The following ITGA5 variants were observed in gnomAD, a reference collection of about 807,000 sequenced individuals.
ITGA5 encodes the protein integrin alpha-5.
Under a neutral mutation model 146.3 loss-of-function variants are expected in ITGA5, and 55 were observed. That is an observed-to-expected ratio of 0.38 (90% confidence interval 0.30 to 0.47). The LOEUF is 0.47. Ranked by LOEUF, ITGA5 falls within the 20% of genes least tolerant of loss-of-function variation. The pLI, the probability that ITGA5 is intolerant of heterozygous loss-of-function variation, is 0.99. For missense variants in ITGA5, 1,131 were observed against 1,329.0 expected (o/e 0.85, Z 2.32); for synonymous variants, 500 against 531.8 (o/e 0.94, Z 0.82).
chr12:54,415,880 G>A (rs1565645618), intron 1 of ITGA5, among the ~76,000 whole-genome samples: 1 of 152,182 alleles, frequency 6.6e-6, no homozygotes, highest in African/African-American at 2.4e-5. Flanking sequence ...AAGGGAACAA[G>A]GAGCTGAGCT....
intron 19 of ITGA5, 137 bp from the exon 20 acceptor site, chr12:54,402,467 C>T (rs528963928): frequency 2.0e-4 from 141 of 715,806 alleles, no homozygotes; most frequent in Non-Finnish European, 2.7e-4. Context: ...GAGGCTGAGG[C>T]GGGTGGATCA....
Position 54,401,483 on chromosome 12 carries a change from G to A in ITGA5, c.2388-5C>T. 6.3e-7 allele frequency: 1 copy of A among 1,592,406 alleles called. No homozygotes were observed. Among genetic ancestry groups the A allele is most frequent in the Non-Finnish European group, 8.6e-7 (1 of 1,168,710 alleles). On this transcript the variant is annotated splice_region_variant and splice_polypyrimidine_tract_variant and intron_variant, in intron 23 of 29. Coordinates refer to ENST00000293379, the MANE Select transcript of ITGA5 (RefSeq NM_002205.5). This position sits in a 1 kb window ranked among gnomAD's most constrained non-coding sequence, Gnocchi z 5.0. ...ACTGCCTCAGGCTTGGAGACACTAA[G>A]GAGGAGGGTGGTTTAGAGGAGGGTG...
Position 54,403,054 on chromosome 12 carries a change from G to T in ITGA5, c.1915-4C>A. On this transcript the variant is annotated splice_polypyrimidine_tract_variant and splice_region_variant and intron_variant, in intron 18 of 29. Coordinates refer to ENST00000293379, the MANE Select transcript of ITGA5 (RefSeq NM_002205.5). This position sits in a 1 kb window ranked among gnomAD's most constrained non-coding sequence, Gnocchi z 4.9. ...CACAGTCCAGCAAGATCTGAGCCTG[G>T]GGAGCAGGGCAGCCTTGAGAGGGGA... 6.2e-7 allele frequency: 1 copy of T among 1,614,118 alleles called. No individual in the cohort carries two copies. Among genetic ancestry groups the T allele is most frequent in the Non-Finnish European group, 8.5e-7 (1 of 1,180,000 alleles).
chr12:54,405,602 T>A, intron 11 of ITGA5, 62 bp downstream of exon 11: 1 of 1,432,024 alleles, frequency 7.0e-7, no homozygotes, highest in Non-Finnish European at 9.8e-7. Context: ...TTCTGTCCCA[T>A]TCCCACTCTT....
intron 27 of ITGA5, 67 bp from the exon 28 acceptor site, chr12:54,398,765 C>A: frequency 9.8e-7 from 1 of 1,020,400 alleles, no homozygotes; most frequent in Non-Finnish European, 1.4e-6. Flanking sequence ...GGTTCCCCAT[C>A]GTCTGGCTGG....
chr12:54,405,734 G>A lies in ITGA5; in HGVS notation c.964-18C>T. On this transcript the variant is annotated intron_variant, in intron 10 of 29. Transcript: ENST00000293379. The stretch of plus-strand genomic sequence containing the variant: ...GAGGCCATCTGGGGAGGACAAAGGG[G>A]CAGCGCTGGGTCAGAACTAGAAGGT... 1 of 1,613,750 alleles carries A rather than the reference G, an allele frequency of 6.2e-7. No individual in the cohort carries two copies.
chr12:54,396,059 C>T lies in ITGA5; in HGVS notation c.*234G>A. ...GGCCTCTGTCCCTGGATCTGAGTTCCCCCATCCATGAAGAGGGTATGTGTA... is the reference window on the plus strand; with the variant it reads ...GGCCTCTGTCCCTGGATCTGAGTTCTCCCATCCATGAAGAGGGTATGTGTA... On this transcript the variant is annotated 3_prime_UTR_variant, in exon 30 of 30. Transcript: ENST00000293379. 2.2e-6 allele frequency: 1 copy of T among 454,100 alleles called. No homozygotes were observed. Among genetic ancestry groups the T allele is most frequent in the Non-Finnish European group, 4.0e-6 (1 of 251,542 alleles). 28.1% of individuals were successfully genotyped at this position (454,100 alleles called of 1,614,324 possible).
At chr12:54,398,934 G>T (rs1955750484) in intron 27 of ITGA5, 3 of 388,694 alleles carry the variant, frequency 7.7e-6, no homozygotes, top group Non-Finnish European at 1.4e-5. Flanking sequence ...CCACCTCCTG[G>T]GCTCAAGCAA....
chr12:54,403,765 G>A lies in ITGA5; in HGVS notation c.1636C>T (p.Leu546Phe), dbSNP rs780669624. ...VADSIGFTVELQLDWQKQKGG... is the reference protein window; with the variant it reads ...VADSIGFTVEFQLDWQKQKGG... ...TTCTGCTTCTGCCAGTCCAGCTGAA[G>A]TTCCACTGTGAAACCTGAAGCCAGG... Residue 546 changes from leucine (L) to phenylalanine (F), a missense_variant, in exon 17 of 30, where the codon CTT (leucine) becomes TTT (phenylalanine). Physicochemically the swap from Leu to Phe is conservative, Grantham distance 22 (BLOSUM62 0). This residue lies in a region of ITGA5 where 889 missense variants were observed against 1,021.5 expected (regional missense o/e 0.87). Coordinates refer to ENST00000293379, the MANE Select transcript of ITGA5 (RefSeq NM_002205.5). This position sits in a 1 kb window ranked among gnomAD's most constrained non-coding sequence, Gnocchi z 4.9. 1 of 1,614,166 alleles carries A rather than the reference G, an allele frequency of 6.2e-7. No homozygotes were observed. Among genetic ancestry groups the A allele is most frequent in the Non-Finnish European group, 8.5e-7 (1 of 1,180,000 alleles).
intron 1 of ITGA5, among the ~76,000 whole-genome samples, chr12:54,415,753 C>T (rs1042325041): frequency 6.6e-6 from 1 of 152,212 alleles, no homozygotes; most frequent in Non-Finnish European, 1.5e-5. Context: ...ACAGGTCCTA[C>T]AGCAGCATGG....
chr12:54,406,366 C>T (rs1003400473), intron 9 of ITGA5, among the ~76,000 whole-genome samples: 4 of 152,206 alleles, frequency 2.6e-5, no homozygotes, highest in Admixed American at 6.5e-5. Flanking sequence ...TCCAGTCCCC[C>T]GAACCACAAA....
Position 54,405,268 on chromosome 12 carries a change from T to A in ITGA5, c.1123A>T (p.Ile375Leu). ...VYVYLQHPAG[I>L]EPTPTLTLTG... is the part of the protein sequence containing the mutation. Reference sequence around the variant, plus strand: ...AGGGTAAGGGTGGGCGTGGGCTCTATGCCGGCTGGGTGCTGCAGGTAGACG... The same window carrying A: ...AGGGTAAGGGTGGGCGTGGGCTCTAAGCCGGCTGGGTGCTGCAGGTAGACG... The change falls in exon 12 of 30, where the codon ATA becomes TTA. Residue 375 changes from isoleucine to leucine, a missense_variant. By Grantham distance (5) the Ile-to-Leu change is conservative. Transcript: ENST00000293379. The A allele has an allele frequency of 6.2e-7, 1 of 1,613,980 alleles. No homozygotes were observed. Among genetic ancestry groups the A allele is most frequent in the South Asian group, 1.1e-5 (1 of 91,072 alleles).
chr12:54,405,195 AG>A lies in ITGA5; in HGVS notation c.1195del (p.Leu399TrpfsTer26). The A allele has an allele frequency of 1.2e-6, 2 of 1,609,494 alleles. No individual in the cohort carries two copies. The highest frequency in any genetic ancestry group is 1.7e-6 in the Non-Finnish European group (2 of 1,176,788). ...GTAGCCATCCTGGTCCAGGTCCCCC[AG>A]GGGGGTCAAGGAGCTGCCAAATCGG... Reference protein sequence around the residue: ...FGRFGSSLTPLGDLDQDGYND... With the variant: ...FGRFGSSLTPXGDLDQDGYND... On this transcript the variant is annotated frameshift_variant, in exon 12 of 30. Coordinates refer to ENST00000293379, the MANE Select transcript of ITGA5 (RefSeq NM_002205.5). LOFTEE classifies it high-confidence loss of function.
intron 11 of ITGA5, 51 bp from the exon 12 acceptor site, chr12:54,405,425 A>C (rs1955852352): frequency 7.1e-7 from 1 of 1,411,882 alleles, no homozygotes; most frequent in South Asian, 1.3e-5. Flanking sequence ...TTGCCACCCC[A>C]CCCCAATCCT....
Position 54,405,002 on chromosome 12 carries a change from C to T in ITGA5, c.1226-108G>A, listed in dbSNP as rs1046132287. On this transcript the variant is annotated intron_variant, in intron 12 of 29. Coordinates refer to ENST00000293379, the MANE Select transcript of ITGA5 (RefSeq NM_002205.5). Reference sequence around the variant, plus strand: ...ATCCTATTTTTTCCCATCTGTCAGTCCCTATATTCTAATCTTCAAATCCCA... The same window carrying T: ...ATCCTATTTTTTCCCATCTGTCAGTTCCTATATTCTAATCTTCAAATCCCA... 7 of 1,192,992 alleles carry T rather than the reference C, an allele frequency of 5.9e-6. No individual in the cohort carries two copies. The African/African-American group carries it at 1.1e-4, about 18-fold the overall frequency. The allele number at this position is 1,192,992 out of a possible 1,614,324, so 73.9% of individuals were successfully genotyped here. A position where few individuals can be genotyped will look rare whatever the true frequency, so the allele number is the denominator to read the frequency against.
intron 1 of ITGA5, among the ~76,000 whole-genome samples, chr12:54,412,921 A>G (rs993026211): frequency 3.3e-5 from 5 of 152,156 alleles, no homozygotes; most frequent in Non-Finnish European, 5.9e-5. Context: ...CCTCTGGACC[A>G]GTGCTCCTGC....
Position 54,401,017 on chromosome 12 carries a change from C to T in ITGA5, c.2494-22G>A, listed in dbSNP as rs1255467097. On this transcript the variant is annotated intron_variant, in intron 24 of 29. Coordinates refer to ENST00000293379, the MANE Select transcript of ITGA5 (RefSeq NM_002205.5). This position sits in a 1 kb window ranked among gnomAD's most constrained non-coding sequence, Gnocchi z 5.0. ...TGAGCTGAGGAGGGAAGAGCACAAT[C>T]ATCATGAGAAGGAAGGGAATGCTTC... is the stretch of plus-strand genomic sequence containing the variant. 1 of 1,610,526 alleles carries T rather than the reference C, an allele frequency of 6.2e-7. No homozygotes were observed. The highest frequency in any genetic ancestry group is 8.5e-7 in the Non-Finnish European group (1 of 1,178,658).
intron 10 of ITGA5, 27 bp downstream of exon 10, chr12:54,405,843 T>C (rs762670332): frequency 1.2e-6 from 2 of 1,611,192 alleles, no homozygotes; most frequent in African/African-American, 1.3e-5. Flanking sequence ...GAGGCCAAGC[T>C]GGGGTGGGGT....
chr12:54,405,506 C>T (rs1171655689), intron 11 of ITGA5, 132 bp from the exon 12 acceptor site: 3 of 1,003,696 alleles, frequency 3.0e-6, no homozygotes, highest in Non-Finnish European at 4.5e-6. Flanking sequence ...CATCAGCTCT[C>T]AGCTCTTTCC....
Sources: allele counts gnomAD v4.1 joint callset (sites outside exome capture counted in the v4.1 genomes callset), GRCh38; gene constraint gnomAD v4.1.1; regional missense constraint gnomAD v4.1.1; non-coding constraint Gnocchi (gnomAD v3.1); transcripts MANE v1.5; gene names NCBI Gene and HGNC (gene_info 2026-07-23, HGNC 2026-07-21).